The following TTF2 variants were observed in gnomAD, a reference collection of about 807,000 sequenced individuals.
The protein encoded by TTF2 is RNA polymerase II termination factor.
Under a neutral mutation model 142.4 loss-of-function variants are expected in TTF2, and 108 were observed. That is an observed-to-expected ratio of 0.76 (90% CI 0.65 to 0.89). TTF2 has a LOEUF of 0.89. TTF2 is among the 40% of genes least tolerant of loss of function. The probability of loss-of-function intolerance (pLI) is 0.00; values close to 1 mark genes in which losing one functional copy is unlikely to be tolerated. For synonymous variants in TTF2, 483 were observed against 506.2 expected, an observed-to-expected ratio of 0.95 and a Z score of 0.61; for missense variants, 1,327 against 1,379.8, an observed-to-expected ratio of 0.96 and a Z score of 0.61.
chr1:117,100,777 G>A lies in TTF2; in HGVS notation c.3345-603G>A, dbSNP rs1375334462. On this transcript the variant is annotated intron_variant, in intron 22 of 22. Coordinates refer to ENST00000369466, the MANE Select transcript of TTF2 (RefSeq NM_003594.4). This position sits in a 1 kb window ranked among gnomAD's most constrained non-coding sequence, Gnocchi z 4.6. Reference sequence around the variant, plus strand: ...GGACACATTTCCTTCTCCTCCTTTTGCACACGGCACATACTTCCATTATAG... The same window carrying A: ...GGACACATTTCCTTCTCCTCCTTTTACACACGGCACATACTTCCATTATAG... Among the ~76,000 whole-genome samples, 2 of 152,028 alleles carry A rather than the reference G, an allele frequency of 1.3e-5. No homozygotes were observed. Among genetic ancestry groups the A allele is most frequent in the Non-Finnish European group, 2.9e-5 (2 of 68,008 alleles).
At position 117,097,424 on chromosome 1, in the gene TTF2, A is replaced by G. The variant is rs1390458175; in HGVS notation, c.3260A>G (p.Asp1087Gly). Residue 1087 changes from aspartate (D) to glycine (G), a missense_variant, in exon 21 of 23, where the codon GAC becomes GGC. Transcript: ENST00000369466. The surrounding 1 kb of genome is among the most constrained non-coding windows in gnomAD (Gnocchi z 4.1). ...GGAGGAAATCACCTCTTTCTTTTGGACATGCACTGGTAATGATTCCGGATT... is the reference window on the plus strand; with the variant it reads ...GGAGGAAATCACCTCTTTCTTTTGGGCATGCACTGGTAATGATTCCGGATT... Reference protein sequence around the residue: ...LTGGNHLFLLDMHWNPSLEDQ... With the variant: ...LTGGNHLFLLGMHWNPSLEDQ... The G allele has an allele frequency of 1.2e-6, 2 of 1,614,018 alleles. No homozygotes were observed. Among genetic ancestry groups the G allele is most frequent in the Admixed American group, 1.7e-5 (1 of 59,994 alleles).
intron 3 of TTF2, among the ~76,000 whole-genome samples, chr1:117,067,178 A>G (rs1459845451): frequency 6.6e-6 from 1 of 152,212 alleles, no homozygotes; most frequent in Admixed American, 6.5e-5. Flanking sequence ...TGTTACATGT[A>G]TTTCTCTTAG....
rs769075703 is a variant in TTF2 at position 117,075,512 on chromosome 1, C to G, written c.928C>G (p.Gln310Glu). The change falls in exon 5 of 23, where the codon CAG becomes GAG. Residue 310 changes from glutamine (Q) to glutamate (E), a missense_variant. Physicochemically the swap from Gln to Glu is conservative, Grantham distance 29. Coordinates refer to ENST00000369466, the MANE Select transcript of TTF2 (RefSeq NM_003594.4). This position sits in a 1 kb window ranked among gnomAD's most constrained non-coding sequence, Gnocchi z 4.5. ...SIQATQKSLP[Q>E]GHFQERPETH... ...ACAGGCCACCCAGAAAAGCCTGCCTCAGGGGCATTTCCAAGAGCGGCCGGA... is the reference window on the plus strand; with the variant it reads ...ACAGGCCACCCAGAAAAGCCTGCCTGAGGGGCATTTCCAAGAGCGGCCGGA... 4.3e-6 allele frequency: 7 copies of G among 1,614,184 alleles called. No homozygotes were observed. The South Asian group carries it at 5.5e-5, about 13-fold the overall frequency.
chr1:117,072,765 G>C (rs1211547099), intron 3 of TTF2, among the ~76,000 whole-genome samples: 2 of 152,102 alleles, frequency 1.3e-5, no homozygotes, highest in Non-Finnish European at 2.9e-5. Flanking sequence ...ATGTTTTAGA[G>C]AAGGGAGTCT....
rs1650020892 is a variant in TTF2, at chr1:117,107,323, A to G, written c.*5799A>G. Reference sequence around the variant, plus strand: ...AGAATTGTTACCATTAATATTGCTTAAAGGCTAACACATTAGCCAGAACCT... The same window carrying G: ...AGAATTGTTACCATTAATATTGCTTGAAGGCTAACACATTAGCCAGAACCT... On this transcript the variant is annotated 3_prime_UTR_variant, in exon 23 of 23. Coordinates refer to ENST00000369466, the MANE Select transcript of TTF2 (RefSeq NM_003594.4). 1 of 152,236 alleles carries G rather than the reference A, an allele frequency of 6.6e-6. No homozygotes were observed. The highest frequency in any genetic ancestry group is 1.5e-5 in the Non-Finnish European group (1 of 68,042). The allele number at this position is 152,236 out of a possible 1,614,324, so 9.4% of individuals were successfully genotyped here. A position where few individuals can be genotyped will look rare whatever the true frequency, so the allele number is the denominator to read the frequency against.
rs1366243779 is a variant in TTF2, at chr1:117,106,860, T to G, written c.*5336T>G. 6.6e-6 allele frequency: 1 copy of G among 152,250 alleles called. No homozygotes were observed. The highest frequency in any genetic ancestry group is 2.4e-5 in the African/African-American group (1 of 41,468). The allele number at this position is 152,250 out of a possible 1,614,324, so 9.4% of individuals were successfully genotyped here. The stretch of plus-strand genomic sequence containing the variant: ...AGGGATACATTCTCTGGAGGAAAGT[T>G]GAGCAACTATTGCATTTGGGACATT... On this transcript the variant is annotated 3_prime_UTR_variant, in exon 23 of 23. Transcript: ENST00000369466.
intron 13 of TTF2, among the ~76,000 whole-genome samples, chr1:117,089,259 G>GCTAT (rs1553198312): frequency 1.9e-5 from 1 of 52,082 alleles, no homozygotes. Context: ...GCAAATATAT[G>GCTAT]CTATATATAT....
chr1:117,081,938 T>C lies in TTF2; in HGVS notation c.1894T>C (p.Ser632Pro). ...GAAAAGCACAGCTTTGACGTGGCTCTCCAAAGATGGTAGACAGAAGTGCCT... is the reference window on the plus strand; with the variant it reads ...GAAAAGCACAGCTTTGACGTGGCTCCCCAAAGATGGTAGACAGAAGTGCCT... ...KEKSTALTWLSKDDSCDFTSH... is the reference protein window; with the variant it reads ...KEKSTALTWLPKDDSCDFTSH... Residue 632 changes from serine to proline, a missense_variant, in exon 10 of 23, where the codon TCC becomes CCC. Ser to Pro is a moderately conservative substitution (Grantham distance 74). Transcript: ENST00000369466. 1 of 1,614,120 alleles carries C rather than the reference T, an allele frequency of 6.2e-7. No individual in the cohort carries two copies. The highest frequency in any genetic ancestry group is 8.5e-7 in the Non-Finnish European group (1 of 1,179,996).
intron 3 of TTF2, among the ~76,000 whole-genome samples, chr1:117,069,133 C>A (rs891329002): frequency 6.6e-6 from 1 of 151,962 alleles, no homozygotes; most frequent in Non-Finnish European, 1.5e-5. Flanking sequence ...TTTTTTCCAT[C>A]TTGAAAGTTC....
Position 117,090,241 on chromosome 1 carries a change from C to A in TTF2, c.2496+33C>A, listed in dbSNP as rs778671654. 8.1e-6 allele frequency: 13 copies of A among 1,607,060 alleles called. No individual in the cohort carries two copies. Among genetic ancestry groups the A allele is most frequent in the Non-Finnish European group, 1.1e-5 (13 of 1,176,604 alleles). On this transcript the variant is annotated intron_variant, in intron 14 of 22. Coordinates refer to ENST00000369466, the MANE Select transcript of TTF2 (RefSeq NM_003594.4). This position sits in a 1 kb window ranked among gnomAD's most constrained non-coding sequence, Gnocchi z 4.8. ...AGTTTGTACCTGTCCCTGGGGGAGG[C>A]CAGGGAAGGAACATGACTGTGTCCT...
chr1:117,078,878 TA>T (rs1377855470), intron 8 of TTF2, among the ~76,000 whole-genome samples: 13 of 152,164 alleles, frequency 8.5e-5, no homozygotes, highest in Middle Eastern at 3.4e-3. Flanking sequence ...GAGGCAAATT[TA>T]AGAGATAATG....
At chr1:117,089,036 CATT>C in intron 13 of TTF2, 54 bp downstream of exon 13, 2 of 1,512,598 alleles carry the variant, frequency 1.3e-6, no homozygotes, top group Non-Finnish European at 1.8e-6. Flanking sequence ...ATCCCTTCAT[CATT>C]ATTTCATGTC....
At chr1:117,095,492 C>G in intron 19 of TTF2, 125 bp downstream of exon 19, 1 of 795,168 alleles carries the variant, frequency 1.3e-6, no homozygotes, top group Non-Finnish European at 2.1e-6. Context: ...TTATAGCACA[C>G]ATTCCCTGTG....
At chr1:117,083,613 G>A (rs1300533721) in intron 10 of TTF2, among the ~76,000 whole-genome samples, 4 of 152,128 alleles carry the variant, frequency 2.6e-5, no homozygotes, top group Non-Finnish European at 1.5e-5. Context: ...TCACACTGAG[G>A]TCATGTGCCA....
chr1:117,100,028 C>T lies in TTF2; in HGVS notation c.3344+1121C>T, dbSNP rs1407662119. On this transcript the variant is annotated intron_variant, in intron 22 of 22. Coordinates refer to ENST00000369466, the MANE Select transcript of TTF2 (RefSeq NM_003594.4). The surrounding 1 kb of genome is among the most constrained non-coding windows in gnomAD (Gnocchi z 4.6). ...GCAGTCCCTGCTAAATATCTGAATCCGAGTGTCCACATACTCATCTGTTAT... is the reference window on the plus strand; with the variant it reads ...GCAGTCCCTGCTAAATATCTGAATCTGAGTGTCCACATACTCATCTGTTAT... Among the ~76,000 whole-genome samples the T allele has an allele frequency of 6.6e-6, 1 of 152,194 alleles. No individual in the cohort carries two copies. Among genetic ancestry groups the T allele is most frequent in the East Asian group, 1.9e-4 (1 of 5,196 alleles).
chr1:117,084,901 G>A (rs61786468), intron 11 of TTF2, among the ~76,000 whole-genome samples: 271 of 152,248 alleles, frequency 1.8e-3, no homozygotes, highest in Non-Finnish European at 3.2e-3. Flanking sequence ...AGAACGGGGC[G>A]GCAGTCTTTC....
chr1:117,065,582 G>T (rs1656033057), intron 3 of TTF2, among the ~76,000 whole-genome samples: 1 of 152,116 alleles, frequency 6.6e-6, no homozygotes, highest in Non-Finnish European at 1.5e-5. Flanking sequence ...GGGTGACAGA[G>T]CGAGACTCTG....
At chr1:117,095,824 G>T (rs532283510) in intron 19 of TTF2, among the ~76,000 whole-genome samples, 1 of 152,328 alleles carries the variant, frequency 6.6e-6, no homozygotes, top group Non-Finnish European at 1.5e-5. Context: ...TGGTCAGTGT[G>T]TCCCTTTTGT....
chr1:117,097,280 C>G lies in TTF2; in HGVS notation c.3187-71C>G. 7.3e-7 allele frequency: 1 copy of G among 1,376,872 alleles called. No homozygotes were observed. Among genetic ancestry groups the G allele is most frequent in the African/African-American group, 1.4e-5 (1 of 70,248 alleles). 85.3% of individuals were successfully genotyped at this position (1,376,872 alleles called of 1,614,324 possible). A position where few individuals can be genotyped will look rare whatever the true frequency, so the allele number is the denominator to read the frequency against. ...AGTGCTTATCTGTATTGATTGTGGA[C>G]TTAAACCTGAGACCGAGATGTGTTA... On this transcript the variant is annotated intron_variant, in intron 20 of 22. Coordinates refer to ENST00000369466, the MANE Select transcript of TTF2 (RefSeq NM_003594.4). The surrounding 1 kb of genome is among the most constrained non-coding windows in gnomAD (Gnocchi z 4.1).
Sources: gnomAD v4.1 joint callset for allele counts (sites outside exome capture counted in the v4.1 genomes callset) on GRCh38, gnomAD v4.1.1 for gene constraint, Gnocchi (gnomAD v3.1) non-coding constraint, MANE v1.5 for transcripts, NCBI Gene and HGNC (gene_info 2026-07-23, HGNC 2026-07-21) for gene names.